The following ITPRID1 variants were observed in gnomAD, a reference collection of about 807,000 sequenced individuals.
The protein encoded by ITPRID1 is protein ITPRID1.
Under a neutral mutation model 95.4 loss-of-function variants are expected in ITPRID1, and 96 were observed. The observed-to-expected ratio is 1.01, with a 90% CI of 0.85 to 1.19. The LOEUF (loss-of-function observed/expected upper bound fraction) is 1.19, where lower values mean the gene tolerates loss of function less well. Among genes scored for constraint, ITPRID1 ranks in the 50% most tolerant of loss-of-function variants. ITPRID1 has a pLI of 0.00. For missense variants in ITPRID1, 1,339 were observed against 1,252.9 expected, an observed-to-expected ratio of 1.07 and a Z score of -1.04; for synonymous variants, 510 against 453.6, an observed-to-expected ratio of 1.12 and a Z score of -1.58.
intron 9 of ITPRID1, 72 bp from the exon 10 acceptor site, chr7:31,583,062 T>C (rs1785462548): frequency 1.1e-5 from 12 of 1,098,260 alleles, no homozygotes; most frequent in Admixed American, 1.7e-5. Context: ...CCAGTCTTAT[T>C]ATATGTTGAT....
intron 7 of ITPRID1, among the ~76,000 whole-genome samples, chr7:31,572,533 T>C (rs1000156672): frequency 2.6e-5 from 4 of 152,088 alleles, no homozygotes; most frequent in African/African-American, 9.7e-5. Context: ...CAGGAAGGTA[T>C]ATAGAGTATG....
In ITPRID1 at chr7:31,643,834, C is replaced by A; in HGVS notation, c.2464C>A (p.Pro822Thr). The A allele has an allele frequency of 6.2e-7, 1 of 1,613,944 alleles. No homozygotes were observed. The highest frequency in any genetic ancestry group is 8.5e-7 in the Non-Finnish European group (1 of 1,179,892). Reference sequence around the variant, plus strand: ...TCACTGCCACGGGGAGAGGCAAAGCCCTGGCCCTGAACCCTCAGTCTGTAG... The same window carrying A: ...TCACTGCCACGGGGAGAGGCAAAGCACTGGCCCTGAACCCTCAGTCTGTAG... Reference protein sequence around the residue: ...HPHCHGERQSPGPEPSVCRHC... With the variant: ...HPHCHGERQSTGPEPSVCRHC... The change falls in exon 12 of 15, where the codon CCT (proline) becomes ACT (threonine). Residue 822 changes from proline to threonine, a missense_variant. By Grantham distance (38) the Pro-to-Thr change is conservative. Coordinates refer to ENST00000615280, the MANE Select transcript of ITPRID1 (RefSeq NM_001257967.3).
chr7:31,579,789 G>A (rs1312739311), intron 9 of ITPRID1, among the ~76,000 whole-genome samples: 3 of 152,112 alleles, frequency 2.0e-5, no homozygotes, highest in African/African-American at 7.2e-5. Context: ...GTACATATAT[G>A]CCTTGTATAA....
intron 10 of ITPRID1, among the ~76,000 whole-genome samples, chr7:31,604,697 C>T (rs905136601): frequency 6.6e-6 from 1 of 152,142 alleles, no homozygotes; most frequent in African/African-American, 2.4e-5. Flanking sequence ...AAAGAGCATG[C>T]TTTTCTATGC....
chr7:31,551,604 T>A (rs966991932), intron 2 of ITPRID1, among the ~76,000 whole-genome samples: 20 of 143,876 alleles, frequency 1.4e-4, no homozygotes, highest in African/African-American at 4.6e-4. Flanking sequence ...TTTGTAGTAA[T>A]TTAAAATTGC....
At chr7:31,554,728 T>A (rs1784393047) in intron 4 of ITPRID1, 130 bp from the exon 5 acceptor site, 1 of 1,006,314 alleles carries the variant, frequency 9.9e-7, no homozygotes, top group African/African-American at 1.6e-5. Flanking sequence ...TGACTGTTTA[T>A]TGGTTTCTAA....
chr7:31,636,365 T>C (rs73099762), intron 10 of ITPRID1, among the ~76,000 whole-genome samples: 10,660 of 152,286 alleles, frequency 0.07, 518 homozygotes, highest in Non-Finnish European at 0.11. Context: ...TGTAAGAGGG[T>C]TAATAGCAAA....
At position 31,656,385 on chromosome 7, in the gene ITPRID1, A is replaced by G. The variant is rs1791305931; in HGVS notation, c.*3556A>G. 2.3e-6 allele frequency: 1 copy of G among 428,648 alleles called. No individual in the cohort carries two copies. 26.6% of individuals were successfully genotyped at this position (428,648 alleles called of 1,614,324 possible). A position where few individuals can be genotyped will look rare whatever the true frequency, so the allele number is the denominator to read the frequency against. On this transcript the variant is annotated 3_prime_UTR_variant, in exon 15 of 15. Coordinates refer to ENST00000615280, the MANE Select transcript of ITPRID1 (RefSeq NM_001257967.3). ...AAACAACATAGAGTTGTTGGACAGA[A>G]TAAATACCATGAATCCTGTGCAGTG...
intron 13 of ITPRID1, 94 bp from the exon 14 acceptor site, chr7:31,651,845 T>C (rs1790987087): frequency 2.6e-6 from 2 of 779,766 alleles, no homozygotes; most frequent in South Asian, 1.8e-5. Context: ...TTTTAAGAAA[T>C]TGCAAAGGAA....
At chr7:31,587,525 G>T (rs905923533) in intron 10 of ITPRID1, among the ~76,000 whole-genome samples, 8 of 145,570 alleles carry the variant, frequency 5.5e-5, no homozygotes, top group Admixed American at 2.1e-4. Flanking sequence ...CCATGCTCAT[G>T]GGTAGGAAGA....
At chr7:31,537,237 G>T (rs1783791332) in intron 1 of ITPRID1, among the ~76,000 whole-genome samples, 1 of 152,000 alleles carries the variant, frequency 6.6e-6, no homozygotes, top group Admixed American at 6.6e-5. Context: ...GGTCATAGAA[G>T]AGAGATTGTG....
chr7:31,585,441 G>C lies in ITPRID1; in HGVS notation c.1228+2250G>C, dbSNP rs143803715. Among the ~76,000 whole-genome samples the C allele has an allele frequency of 8.9e-4, 135 of 152,084 alleles. 1 individual carries two copies. The highest frequency in any genetic ancestry group is 3.0e-3 in the African/African-American group (125 of 41,496). Reference sequence around the variant, plus strand: ...TCCCTGAGCCCCCCAAAAGTAAAATGCCACTTAAATGGCAAGGGAATATAA... The same window carrying C: ...TCCCTGAGCCCCCCAAAAGTAAAATCCCACTTAAATGGCAAGGGAATATAA... On this transcript the variant is annotated intron_variant, in intron 10 of 14. Transcript: ENST00000615280.
chr7:31,547,636 T>C (rs935256035), intron 1 of ITPRID1, among the ~76,000 whole-genome samples: 1 of 152,046 alleles, frequency 6.6e-6, no homozygotes, highest in African/African-American at 2.4e-5. Context: ...AGCCAAACCA[T>C]AGCAGCTCCT....
At chr7:31,543,774 G>A (rs756306017) in intron 1 of ITPRID1, among the ~76,000 whole-genome samples, 11 of 151,942 alleles carry the variant, frequency 7.2e-5, no homozygotes, top group Non-Finnish European at 1.5e-4. Flanking sequence ...TTTTCATGGA[G>A]ATCATCGTAT....
At chr7:31,625,185 C>G (rs1562625268) in intron 10 of ITPRID1, among the ~76,000 whole-genome samples, 1 of 152,074 alleles carries the variant, frequency 6.6e-6, no homozygotes, top group Admixed American at 6.6e-5. Flanking sequence ...GGACTGTAAA[C>G]TAGTTCAACC....
intron 10 of ITPRID1, among the ~76,000 whole-genome samples, chr7:31,599,638 TTTCTTTC>T (rs1238814457): frequency 2.0e-5 from 1 of 49,828 alleles, no homozygotes; most frequent in East Asian, 7.2e-4. Context: ...TCTTTCTTTC[TTTCTTTC>T]TTTTTCTTTC....
intron 10 of ITPRID1, among the ~76,000 whole-genome samples, chr7:31,612,686 G>C (rs539627179): frequency 6.6e-6 from 1 of 152,030 alleles, no homozygotes; most frequent in East Asian, 1.9e-4. Context: ...CTGTGTTTTT[G>C]TTGGAGCATG....
At chr7:31,555,544 GAA>G (rs35560661) in intron 5 of ITPRID1, among the ~76,000 whole-genome samples, 3 of 150,768 alleles carry the variant, frequency 2.0e-5, no homozygotes, top group East Asian at 2.0e-4. Context: ...GTACCATTTA[GAA>G]AAAAAAAACA....
At chr7:31,616,512 C>A (rs1787244608) in intron 10 of ITPRID1, among the ~76,000 whole-genome samples, 1 of 151,730 alleles carries the variant, frequency 6.6e-6, no homozygotes, top group Non-Finnish European at 1.5e-5. Context: ...GGGGGTGGGA[C>A]CCTGAGGAGA....
Sources: allele counts gnomAD v4.1 joint callset (sites outside exome capture counted in the v4.1 genomes callset), GRCh38; gene constraint gnomAD v4.1.1; transcripts MANE v1.5; gene names NCBI Gene and HGNC (gene_info 2026-07-23, HGNC 2026-07-21).